Variants in EPB41L2 observed in about 807,000 individuals in gnomAD.
EPB41L2 encodes erythrocyte membrane protein band 4.1 like 2.
EPB41L2 carries 43 observed loss-of-function variants against 113.0 expected under a neutral mutation model. The ratio of observed to expected loss-of-function variants is 0.38; its 90% confidence interval spans 0.30 to 0.49. EPB41L2 has a LOEUF of 0.49. Ranked by LOEUF, EPB41L2 falls within the 20% of genes least tolerant of loss-of-function variation. The pLI is 0.95. For synonymous variants in EPB41L2, 442 were observed against 436.7 expected, an observed-to-expected ratio of 1.01 and a Z score of -0.15; for missense variants, 1,147 against 1,223.4, an observed-to-expected ratio of 0.94 and a Z score of 0.93.
chr6:130,960,533 C>G (rs1446803998), intron 1 of EPB41L2, among the ~76,000 whole-genome samples: 1 of 152,144 alleles, frequency 6.6e-6, no homozygotes, highest in African/African-American at 2.4e-5. Context: ...TCACAACACC[C>G]ATAAGGGTTA....
chr6:130,917,621 T>C (rs1583431381), intron 4 of EPB41L2, among the ~76,000 whole-genome samples: 1 of 152,182 alleles, frequency 6.6e-6, no homozygotes, highest in Non-Finnish European at 1.5e-5. Context: ...CACTTCTCCT[T>C]GTCGTATCTG....
At chr6:131,029,946 T>C (rs1562766361) in intron 1 of EPB41L2, among the ~76,000 whole-genome samples, 1 of 151,668 alleles carries the variant, frequency 6.6e-6, no homozygotes, top group African/African-American at 2.4e-5. Context: ...CACAATTGGA[T>C]TGTGGCTTTC....
chr6:130,848,769 A>G (rs1777880554), intron 19 of EPB41L2, among the ~76,000 whole-genome samples: 1 of 152,230 alleles, frequency 6.6e-6, no homozygotes, highest in African/African-American at 2.4e-5. Flanking sequence ...TAGTTGCCAT[A>G]GTAAAATTCC....
At chr6:130,898,801 G>A (rs1037107211) in intron 8 of EPB41L2, among the ~76,000 whole-genome samples, 13 of 152,074 alleles carry the variant, frequency 8.5e-5, no homozygotes, top group African/African-American at 2.2e-4. Context: ...CCTTAAAAAC[G>A]TAAATAAATG....
At chr6:130,991,057 G>A (rs1037079147) in intron 1 of EPB41L2, among the ~76,000 whole-genome samples, 3 of 151,926 alleles carry the variant, frequency 2.0e-5, no homozygotes, top group African/African-American at 4.8e-5. Flanking sequence ...TCTCAATCTC[G>A]TAACCTCGTG....
intron 1 of EPB41L2, among the ~76,000 whole-genome samples, chr6:131,007,724 G>A (rs1785925768): frequency 6.6e-6 from 1 of 152,190 alleles, no homozygotes; most frequent in Admixed American, 6.5e-5. Flanking sequence ...CTGTTTCTAT[G>A]CTTTAGCAAA....
At chr6:130,980,176 A>ATC (rs768098675) in intron 1 of EPB41L2, among the ~76,000 whole-genome samples, 118 of 152,294 alleles carry the variant, frequency 7.7e-4, no homozygotes, top group Non-Finnish European at 1.4e-3. Context: ...GAGAAGAAAA[A>ATC]TCTAATGGCT....
At chr6:131,034,394 G>T (rs770646926) in intron 1 of EPB41L2, among the ~76,000 whole-genome samples, 2 of 152,162 alleles carry the variant, frequency 1.3e-5, no homozygotes, top group Non-Finnish European at 2.9e-5. Context: ...CATTGCCTGA[G>T]CCCAGGAATT....
chr6:130,933,989 A>G (rs140609353), intron 3 of EPB41L2, among the ~76,000 whole-genome samples: 142 of 152,334 alleles, frequency 9.3e-4, no homozygotes, highest in Non-Finnish European at 1.3e-3. Flanking sequence ...TATACATTAC[A>G]GCCCTGAAGC....
At chr6:130,865,407 A>C in intron 17 of EPB41L2, 129 bp downstream of exon 17, 1 of 883,622 alleles carries the variant, frequency 1.1e-6, no homozygotes, top group South Asian at 2.2e-5. Flanking sequence ...CTTTAAACCA[A>C]GGCATTTTGA....
intron 1 of EPB41L2, among the ~76,000 whole-genome samples, chr6:131,046,078 ATTTTTTTT>A (rs36055181): frequency 8.1e-6 from 1 of 123,990 alleles, no homozygotes; most frequent in African/African-American, 3.0e-5. Context: ...TCCGAAGCTA[ATTTTTTTT>A]TTTTTTTTTT....
intron 1 of EPB41L2, among the ~76,000 whole-genome samples, chr6:130,964,919 C>CTTCAAA (rs1774647052): frequency 6.6e-6 from 1 of 152,158 alleles, no homozygotes; most frequent in African/African-American, 2.4e-5. Context: ...CTCTAAAGAC[C>CTTCAAA]TTGTACAACA....
rs115265923 is a variant in EPB41L2, at chr6:130,911,973, A to C, written c.811-3110T>G. On this transcript the variant is annotated intron_variant, in intron 4 of 19. Transcript: ENST00000337057. ...CTGGGCTGCACAGCAGGACGTGAAC[A>C]GCAGGTAAGTGGGCATTACCACCTG... Among the ~76,000 whole-genome samples, 991 of 152,312 alleles carry C rather than the reference A, an allele frequency of 6.5e-3. 17 individuals carry two copies. The highest frequency in any genetic ancestry group is 0.023 in the African/African-American group (955 of 41,560).
At chr6:130,894,091 C>T (rs1018079285) in intron 10 of EPB41L2, among the ~76,000 whole-genome samples, 1 of 152,082 alleles carries the variant, frequency 6.6e-6, no homozygotes, top group Non-Finnish European at 1.5e-5. Flanking sequence ...GAAAAGAGTT[C>T]AAAGACAGTG....
chr6:130,878,934 C>T (rs554889630), intron 13 of EPB41L2, among the ~76,000 whole-genome samples: 1 of 152,232 alleles, frequency 6.6e-6, no homozygotes, highest in South Asian at 2.1e-4. Context: ...TTGCCAAGCA[C>T]AAAAGTGGGG....
chr6:130,924,069 T>C (rs1327633962), intron 4 of EPB41L2, among the ~76,000 whole-genome samples: 2 of 152,192 alleles, frequency 1.3e-5, no homozygotes, highest in Non-Finnish European at 1.5e-5. Context: ...AGTGGAATCC[T>C]ATAGTGCTTG....
At chr6:130,895,662 A>G (rs1794430761) in intron 8 of EPB41L2, among the ~76,000 whole-genome samples, 1 of 152,168 alleles carries the variant, frequency 6.6e-6, no homozygotes, top group Non-Finnish European at 1.5e-5. Flanking sequence ...CAGTGCTGAA[A>G]TCTCTGAATT....
chr6:130,857,303 T>TTAG (rs1294686437), intron 19 of EPB41L2, among the ~76,000 whole-genome samples: 2 of 152,180 alleles, frequency 1.3e-5, no homozygotes, highest in African/African-American at 4.8e-5. Context: ...TATTGATCTT[T>TTAG]TAGTTTGCAC....
chr6:130,859,503 T>C (rs1781343716), intron 18 of EPB41L2, among the ~76,000 whole-genome samples: 1 of 140,896 alleles, frequency 7.1e-6, no homozygotes, highest in African/African-American at 2.5e-5. Context: ...AGAGTGAGAC[T>C]TTGTCTCAAA....
Sources: allele counts gnomAD v4.1 joint callset (sites outside exome capture counted in the v4.1 genomes callset), GRCh38; gene constraint gnomAD v4.1.1; transcripts MANE v1.5; gene names NCBI Gene and HGNC (gene_info 2026-07-23, HGNC 2026-07-21).